PTPRD: variants seen among roughly 807,000 people sequenced by gnomAD.
The protein encoded by PTPRD is protein tyrosine phosphatase receptor type D, also known as receptor-type tyrosine-protein phosphatase delta.
Under a neutral mutation model 214.5 loss-of-function variants are expected in PTPRD, and 34 were observed. The observed-to-expected ratio is 0.16, with a 90% CI of 0.12 to 0.21. The LOEUF (loss-of-function observed/expected upper bound fraction) is 0.21. Ranked by LOEUF, PTPRD falls within the 10% of genes least tolerant of loss-of-function variation. The probability of loss-of-function intolerance (pLI) is 1.00; values close to 1 mark genes in which losing one functional copy is unlikely to be tolerated. For missense variants in PTPRD, 2,545 were observed against 2,398.7 expected, an observed-to-expected ratio of 1.06 and a Z score of -1.27; for synonymous variants, 1,128 against 845.7, an observed-to-expected ratio of 1.33 and a Z score of -5.79.
chr9:9,809,809 G>T (rs1241554971), intron 5 of PTPRD, among the ~76,000 whole-genome samples: 1 of 152,124 alleles, frequency 6.6e-6, no homozygotes, highest in South Asian at 2.1e-4. Flanking sequence ...AATCAGAAGG[G>T]AAAATGGTGA....
intron 20 of PTPRD, among the ~76,000 whole-genome samples, chr9:8,518,693 C>G (rs550048222): frequency 3.4e-4 from 52 of 152,262 alleles, no homozygotes; most frequent in African/African-American, 1.3e-3. Context: ...CTAAGTGATC[C>G]TGCACGCATT....
At chr9:9,647,501 T>G (rs932039459) in intron 7 of PTPRD, among the ~76,000 whole-genome samples, 1 of 152,230 alleles carries the variant, frequency 6.6e-6, no homozygotes, top group Non-Finnish European at 1.5e-5. Context: ...ATATGTGTGC[T>G]TACTTTTGCC....
At chr9:9,942,358 G>C (rs1305381148) in intron 4 of PTPRD, among the ~76,000 whole-genome samples, 2 of 151,982 alleles carry the variant, frequency 1.3e-5, no homozygotes, top group Non-Finnish European at 2.9e-5. Context: ...TCAGCTTTAT[G>C]TTTTTCTATT....
intron 11 of PTPRD, among the ~76,000 whole-genome samples, chr9:8,934,190 TG>T (rs1165148707): frequency 6.6e-6 from 1 of 150,414 alleles, no homozygotes; most frequent in Non-Finnish European, 1.5e-5. Context: ...TGAGATAATA[TG>T]GAAAAAAAGA....
At chr9:9,814,299 G>A (rs2048054281) in intron 5 of PTPRD, among the ~76,000 whole-genome samples, 1 of 103,602 alleles carries the variant, frequency 9.7e-6, no homozygotes, top group Non-Finnish European at 1.7e-5. Context: ...TGAGCAATTA[G>A]GTAAGAAAGA....
At chr9:9,141,384 G>T (rs1175200429) in intron 10 of PTPRD, among the ~76,000 whole-genome samples, 1 of 152,004 alleles carries the variant, frequency 6.6e-6, no homozygotes, top group Non-Finnish European at 1.5e-5. Flanking sequence ...TTAATGCAGT[G>T]AAATTGTTGG....
At chr9:9,953,493 G>GACACACAC (rs59836734) in intron 4 of PTPRD, among the ~76,000 whole-genome samples, 86 of 145,328 alleles carry the variant, frequency 5.9e-4, no homozygotes, top group African/African-American at 1.9e-3. Flanking sequence ...GGGAATTGTG[G>GACACACAC]ACACACACAC....
chr9:9,564,884 G>GGTTTT (rs2083968412), intron 8 of PTPRD, among the ~76,000 whole-genome samples: 1 of 48,842 alleles, frequency 2.0e-5, no homozygotes, highest in Non-Finnish European at 3.8e-5. Flanking sequence ...TGAATCTTCT[G>GGTTTT]TTTTTTTTTT....
At chr9:9,992,613 C>T (rs149913057) in intron 4 of PTPRD, among the ~76,000 whole-genome samples, 4,549 of 152,194 alleles carry the variant, frequency 0.03, 132 homozygotes, top group Admixed American at 0.091. Flanking sequence ...TGGAATACTG[C>T]GCAGACATAA....
At chr9:8,437,343 G>A in intron 34 of PTPRD, 3 of 910,374 alleles carry the variant, frequency 3.3e-6, no homozygotes, top group Non-Finnish European at 4.9e-6. Flanking sequence ...TAATTAAAAT[G>A]CTGCAAGTTT....
At chr9:9,444,041 A>T (rs1588588865) in intron 8 of PTPRD, among the ~76,000 whole-genome samples, 2 of 152,290 alleles carry the variant, frequency 1.3e-5, no homozygotes, top group African/African-American at 2.4e-5. Context: ...GTCAAGAAAA[A>T]ACAGGATTGG....
At chr9:9,414,240 G>A (rs1336609567) in intron 8 of PTPRD, among the ~76,000 whole-genome samples, 2 of 152,198 alleles carry the variant, frequency 1.3e-5, no homozygotes, top group Admixed American at 1.3e-4. Flanking sequence ...ATTACACTTA[G>A]TGGAATAGTA....
intron 9 of PTPRD, among the ~76,000 whole-genome samples, chr9:9,198,200 G>A (rs2099939764): frequency 6.6e-6 from 1 of 152,108 alleles, no homozygotes; most frequent in Admixed American, 6.5e-5. Flanking sequence ...CTGTGGCTTT[G>A]CATTTCTTTA....
chr9:9,545,543 A>G (rs1373553384), intron 8 of PTPRD, among the ~76,000 whole-genome samples: 1 of 151,902 alleles, frequency 6.6e-6, no homozygotes, highest in Non-Finnish European at 1.5e-5. Context: ...TCAAATGTGA[A>G]CAATTATGAA....
intron 2 of PTPRD, among the ~76,000 whole-genome samples, chr9:10,575,183 A>G (rs769642102): frequency 6.6e-6 from 1 of 152,084 alleles, no homozygotes; most frequent in African/African-American, 2.4e-5. Flanking sequence ...CAACAAAAAT[A>G]GGTAGGTCCT....
intron 2 of PTPRD, among the ~76,000 whole-genome samples, chr9:10,578,948 C>A (rs2070652013): frequency 6.6e-6 from 1 of 151,948 alleles, no homozygotes; most frequent in African/African-American, 2.4e-5. Context: ...GATACATGTG[C>A]AGAATGTGCA....
chr9:8,701,789 A>G (rs777246700), intron 12 of PTPRD, among the ~76,000 whole-genome samples: 3 of 152,222 alleles, frequency 2.0e-5, no homozygotes, highest in Non-Finnish European at 4.4e-5. Flanking sequence ...GTTTACCACA[A>G]TACTATCTCA....
In PTPRD at chr9:8,500,711, CTG is replaced by C. The variant is rs771237291; in HGVS notation, c.2128+41_2128+42del. 24 of 1,588,840 alleles carry C rather than the reference CTG, an allele frequency of 1.5e-5. No individual in the cohort carries two copies. The South Asian group carries it at 2.5e-4, about 16-fold the overall frequency. The stretch of plus-strand genomic sequence containing the variant: ...CCTATTGAAAGACAGCAGATCAAGA[CTG>C]TGTCAGAAGGGTGCAAACTGACGTA... On this transcript the variant is annotated intron_variant, in intron 24 of 45. Coordinates refer to ENST00000381196, the MANE Select transcript of PTPRD (RefSeq NM_002839.4).
rs12683206 is a variant in PTPRD, at chr9:8,845,460, T to C, written c.-103-111514A>G. 8.9e-3 allele frequency among the ~76,000 whole-genome samples: 1,359 copies of C among 152,322 alleles called. 41 individuals carry two copies. The highest frequency in any genetic ancestry group is 0.087 in the South Asian group (422 of 4,824). Reference sequence around the variant, plus strand: ...CAAGACTTTACAAGGCCCTGTGAAATCAGTGAGGCAAATTTCTAACAATAG... The same window carrying C: ...CAAGACTTTACAAGGCCCTGTGAAACCAGTGAGGCAAATTTCTAACAATAG... On this transcript the variant is annotated intron_variant, in intron 11 of 45. Transcript: ENST00000381196.
Sources: gnomAD v4.1 joint callset for allele counts (sites outside exome capture counted in the v4.1 genomes callset) on GRCh38, gnomAD v4.1.1 for gene constraint, MANE v1.5 for transcripts, NCBI Gene and HGNC (gene_info 2026-07-23, HGNC 2026-07-21) for gene names.